CFAP47: variants seen among roughly 807,000 people sequenced by gnomAD.
CFAP47 encodes cilia and flagella associated protein 47, also known as cilia- and flagella-associated protein 47.
In CFAP47, 29 loss-of-function variants were observed where a neutral mutation model predicts 148.1. The observed-to-expected ratio is 0.20, with a 90% confidence interval of 0.15 to 0.27. CFAP47 has a LOEUF of 0.27. Among genes scored for constraint, CFAP47 ranks in the 10% least tolerant of loss-of-function variants. The pLI is 1.00. For synonymous variants in CFAP47, 664 were observed against 577.3 expected (o/e 1.15, Z -2.15); for missense variants, 1,872 against 1,697.5 (o/e 1.10, Z -1.81).
chrX:36,312,129 G>A (rs1941398549), intron 56 of CFAP47, among the ~76,000 whole-genome samples: 1 of 110,447 alleles, frequency 9.1e-6, no homozygotes, highest in Admixed American at 9.8e-5. Flanking sequence ...ATATAAACGA[G>A]GTAAGGTTTA....
intron 27 of CFAP47, among the ~76,000 whole-genome samples, chrX:36,071,603 A>C (rs1937753601): frequency 8.9e-6 from 1 of 112,156 alleles, no homozygotes; most frequent in Admixed American, 9.5e-5. Flanking sequence ...AAAAAAATTC[A>C]TTTAGTTTAG....
At chrX:36,358,276 A>G (rs782442197) in intron 60 of CFAP47, among the ~76,000 whole-genome samples, 2 of 112,128 alleles carry the variant, frequency 1.8e-5, no homozygotes, top group Non-Finnish European at 3.8e-5. Context: ...GATCAAGTTG[A>G]AGTACTTTCT....
At chrX:36,066,980 C>G (rs1937650269) in intron 27 of CFAP47, among the ~76,000 whole-genome samples, 2 of 112,018 alleles carry the variant, frequency 1.8e-5, no homozygotes, top group Admixed American at 1.9e-4. Context: ...GCTGCCATAA[C>G]TAAACTACTG....
intron 50 of CFAP47, among the ~76,000 whole-genome samples, chrX:36,282,576 T>C (rs1210877229): frequency 1.8e-5 from 2 of 111,530 alleles, no homozygotes; most frequent in African/African-American, 6.5e-5. Context: ...TTTTCCCCTA[T>C]AATAACATGG....
At chrX:36,103,581 G>A (rs1209680853) in intron 32 of CFAP47, among the ~76,000 whole-genome samples, 1 of 98,411 alleles carries the variant, frequency 1.0e-5, no homozygotes, top group Non-Finnish European at 2.0e-5. Context: ...GCTTCAGAAT[G>A]TAAAGGTGGA....
At chrX:36,055,247 G>T (rs1210420250) in intron 26 of CFAP47, among the ~76,000 whole-genome samples, 3 of 110,294 alleles carry the variant, frequency 2.7e-5, no homozygotes, top group Non-Finnish European at 3.8e-5. Flanking sequence ...ATGGTGGTTT[G>T]CTACACAGAT....
chrX:35,952,072 C>A, intron 6 of CFAP47, 109 bp downstream of exon 6: 1 of 813,308 alleles, frequency 1.2e-6, no homozygotes, highest in Non-Finnish European at 1.6e-6. Flanking sequence ...TGCCAGAAGG[C>A]ACAAGTCAGA....
At chrX:36,114,245 C>G in intron 33 of CFAP47, among the ~76,000 whole-genome samples, 1 of 111,797 alleles carries the variant, frequency 8.9e-6, no homozygotes, top group East Asian at 2.8e-4. Context: ...TCAGTCAGCT[C>G]CTGTATTACT....
Position 36,179,373 on chromosome X carries a change from G to T in CFAP47, c.6055G>T (p.Val2019Phe), listed in dbSNP as rs1216233285. 3.4e-6 allele frequency: 1 copy of T among 296,794 alleles called. No homozygotes were observed. The highest frequency in any genetic ancestry group is 5.9e-6 in the Non-Finnish European group (1 of 169,724). 24.5% of individuals were successfully genotyped at this position (296,794 alleles called of 1,213,427 possible). Residue 2019 changes from valine to phenylalanine, a missense_variant, in exon 40 of 64, where the codon GTC (valine) becomes TTC (phenylalanine). Val to Phe is a conservative substitution (Grantham distance 50, BLOSUM62 -1). Coordinates refer to ENST00000378653, the MANE Select transcript of CFAP47 (RefSeq NM_001304548.2). The part of the protein sequence containing the change: ...SVILVESSTF[V>F]SSPTKLTESR... ...CATTTTGGTGGAATCCTCAACATTT[G>T]TCTCTTCGCCAACGAAGTTAACTGA... is the stretch of plus-strand genomic sequence containing the variant.
chrX:36,290,722 G>A (rs1234990919), intron 51 of CFAP47, among the ~76,000 whole-genome samples: 1 of 112,349 alleles, frequency 8.9e-6, no homozygotes, highest in Non-Finnish European at 1.9e-5. Flanking sequence ...CAAATTTCAT[G>A]TAGCCCCTAA....
chrX:36,379,754 A>G, intron 63 of CFAP47: 1 of 305,788 alleles, frequency 3.3e-6, no homozygotes, highest in Non-Finnish European at 5.8e-6. Flanking sequence ...TAAAAAAAAT[A>G]CTTTCCTTCC....
intron 63 of CFAP47, among the ~76,000 whole-genome samples, chrX:36,380,529 T>C (rs1461011878): frequency 8.9e-6 from 1 of 112,069 alleles, no homozygotes; most frequent in Non-Finnish European, 1.9e-5. Context: ...CTGCAGGCTC[T>C]GCCTAACGGG....
intron 40 of CFAP47, among the ~76,000 whole-genome samples, chrX:36,184,322 A>G (rs996491809): frequency 8.9e-6 from 1 of 111,784 alleles, no homozygotes; most frequent in African/African-American, 3.2e-5. Flanking sequence ...TCTTATGAGC[A>G]TAGGAACATG....
intron 49 of CFAP47, among the ~76,000 whole-genome samples, chrX:36,268,478 G>T (rs1940921247): frequency 8.9e-6 from 1 of 112,575 alleles, no homozygotes; most frequent in South Asian, 3.6e-4. Context: ...GGAAGTGAAG[G>T]CTATAGATGC....
chrX:36,311,432 G>T (rs1941393339), intron 56 of CFAP47, among the ~76,000 whole-genome samples: 1 of 110,486 alleles, frequency 9.1e-6, no homozygotes, highest in Non-Finnish European at 1.9e-5. Flanking sequence ...GCCATATTGA[G>T]GGTATATGTT....
At chrX:36,301,886 G>A (rs1941301804) in intron 53 of CFAP47, among the ~76,000 whole-genome samples, 1 of 110,431 alleles carries the variant, frequency 9.1e-6, no homozygotes, top group Non-Finnish European at 1.9e-5. Context: ...GGGTAAACAA[G>A]GCATAATCCC....
chrX:36,235,284 C>T, intron 46 of CFAP47, among the ~76,000 whole-genome samples: 1 of 112,378 alleles, frequency 8.9e-6, no homozygotes. Context: ...GTTCAAGCTT[C>T]CCAGCTGCTT....
intron 44 of CFAP47, among the ~76,000 whole-genome samples, chrX:36,204,537 C>G (rs1333536794): frequency 9.0e-6 from 1 of 110,858 alleles, no homozygotes; most frequent in Non-Finnish European, 1.9e-5. Context: ...ATGTAACAAA[C>G]CTGCATGTTG....
Position 36,371,575 on chromosome X carries a change from GTA to G in CFAP47, c.9185+4456_9185+4457del, listed in dbSNP as rs200310269. ...TATATATATGTGTATATATATGTGT[GTA>G]TATATATGTGTATACATGTGTGTAT... On this transcript the variant is annotated intron_variant, in intron 62 of 63. Coordinates refer to ENST00000378653, the MANE Select transcript of CFAP47 (RefSeq NM_001304548.2). Among the ~76,000 whole-genome samples, 143 of 91,120 alleles carry G rather than the reference GTA, an allele frequency of 1.6e-3. 4 individuals are homozygous for G. The highest frequency in any genetic ancestry group is 5.1e-3 in the African/African-American group (124 of 24,347). 79.1% of individuals were successfully genotyped at this position (91,120 alleles called of 115,157 possible). A position where few individuals can be genotyped will look rare whatever the true frequency, so the allele number is the denominator to read the frequency against.
Sources: allele counts gnomAD v4.1 joint callset (sites outside exome capture counted in the v4.1 genomes callset), GRCh38; gene constraint gnomAD v4.1.1; transcripts MANE v1.5; gene names NCBI Gene and HGNC (gene_info 2026-07-23, HGNC 2026-07-21).